The following RAI14 variants were observed in gnomAD, a reference collection of about 807,000 sequenced individuals.
RAI14 encodes the protein ankycorbin.
In RAI14, 45 loss-of-function variants were observed where a neutral mutation model predicts 115.4. That is an observed-to-expected ratio of 0.39 (90% CI 0.31 to 0.50). The LOEUF is 0.50. Among genes scored for constraint, RAI14 ranks in the 20% least tolerant of loss-of-function variants. RAI14 has a pLI of 0.85. For missense variants in RAI14, 939 were observed against 1,131.2 expected, an observed-to-expected ratio of 0.83 and a Z score of 2.44; for synonymous variants, 371 against 415.4, an observed-to-expected ratio of 0.89 and a Z score of 1.30.
At chr5:34,799,516 A>C (rs1042114791) in intron 4 of RAI14, among the ~76,000 whole-genome samples, 74 of 108,772 alleles carry the variant, frequency 6.8e-4, no homozygotes, top group Non-Finnish European at 1.3e-3. Context: ...ACACACACAC[A>C]CACACACACA....
intron 1 of RAI14, among the ~76,000 whole-genome samples, chr5:34,683,523 C>G (rs1220699299): frequency 6.6e-6 from 1 of 152,058 alleles, no homozygotes; most frequent in Non-Finnish European, 1.5e-5. Context: ...AAAATCTTAC[C>G]CACTGTTGCC....
intron 2 of RAI14, among the ~76,000 whole-genome samples, chr5:34,695,340 G>A (rs187832223): frequency 6.6e-6 from 1 of 152,196 alleles, no homozygotes; most frequent in Non-Finnish European, 1.5e-5. Context: ...GGTAGAAGTT[G>A]TTTTCTTCTG....
chr5:34,734,026 T>A (rs1744537740), intron 2 of RAI14, among the ~76,000 whole-genome samples: 1 of 152,234 alleles, frequency 6.6e-6, no homozygotes, highest in Non-Finnish European at 1.5e-5. Flanking sequence ...GTACATAGGC[T>A]GCTTCTCTGG....
At chr5:34,703,175 TAATAA>T (rs1391844851) in intron 2 of RAI14, among the ~76,000 whole-genome samples, 1 of 152,152 alleles carries the variant, frequency 6.6e-6, no homozygotes, top group African/African-American at 2.4e-5. Flanking sequence ...AAAATGCGTA[TAATAA>T]AATAAGTGGA....
chr5:34,676,734 C>T (rs1744003567), intron 1 of RAI14, among the ~76,000 whole-genome samples: 1 of 152,160 alleles, frequency 6.6e-6, no homozygotes, highest in African/African-American at 2.4e-5. Context: ...GAAATGTCGT[C>T]TCCTGGATAA....
intron 1 of RAI14, among the ~76,000 whole-genome samples, chr5:34,672,042 A>G (rs1178024365): frequency 1.3e-5 from 2 of 152,182 alleles, no homozygotes; most frequent in African/African-American, 2.4e-5. Flanking sequence ...ATTTCTGTAG[A>G]TAATTACAAT....
In RAI14 at chr5:34,789,122, A is replaced by G. The variant is rs555044098; in HGVS notation, c.168-6817A>G. 2.6e-5 allele frequency among the ~76,000 whole-genome samples: 4 copies of G among 152,296 alleles called. No individual in the cohort carries two copies. In the South Asian group the frequency reaches 8.3e-4, roughly 32 times the overall value. On this transcript the variant is annotated intron_variant, in intron 3 of 17. Coordinates refer to ENST00000265109, the MANE Select transcript of RAI14 (RefSeq NM_015577.3). ...TGAGAGGGCACCAGTCATGCTCTTAATGAGTCATGTGCTGGCCTTGGGCAC... is the reference window on the plus strand; with the variant it reads ...TGAGAGGGCACCAGTCATGCTCTTAGTGAGTCATGTGCTGGCCTTGGGCAC...
At chr5:34,677,984 C>G (rs973938160) in intron 1 of RAI14, among the ~76,000 whole-genome samples, 2 of 152,190 alleles carry the variant, frequency 1.3e-5, no homozygotes, top group Non-Finnish European at 2.9e-5. Context: ...CCCTGCTACC[C>G]GGCCTCCTGC....
chr5:34,710,253 T>C (rs1741233713), intron 2 of RAI14, among the ~76,000 whole-genome samples: 1 of 152,190 alleles, frequency 6.6e-6, no homozygotes, highest in Non-Finnish European at 1.5e-5. Flanking sequence ...CCTTGCTTAT[T>C]CCTAGCTTCT....
At chr5:34,732,241 G>A (rs1423105780) in intron 2 of RAI14, among the ~76,000 whole-genome samples, 2 of 152,100 alleles carry the variant, frequency 1.3e-5, no homozygotes, top group Non-Finnish European at 2.9e-5. Context: ...GCAGCCAATG[G>A]ACCCTTGCCC....
intron 3 of RAI14, among the ~76,000 whole-genome samples, chr5:34,779,436 C>G (rs943208421): frequency 6.6e-6 from 1 of 152,106 alleles, no homozygotes; most frequent in Non-Finnish European, 1.5e-5. Flanking sequence ...TCAAATTGTC[C>G]CTGTTTGCAG....
rs434079 is a variant in RAI14 at position 34,806,242 on chromosome 5, A to G, written c.322-1558A>G. Among the ~76,000 whole-genome samples, 814 of 152,270 alleles carry G rather than the reference A, an allele frequency of 5.3e-3. 21 individuals carry two copies. In the East Asian group the frequency reaches 0.086, roughly 16 times the overall value. On this transcript the variant is annotated intron_variant, in intron 5 of 17. Coordinates refer to ENST00000265109, the MANE Select transcript of RAI14 (RefSeq NM_015577.3). ...GCTGGCCAGGGAGGGAAGAATGCCA[A>G]TGTGTGGGCCTGGGGCAGAGCAAGT...
intron 2 of RAI14, among the ~76,000 whole-genome samples, chr5:34,722,743 G>A (rs2149999786): frequency 1.3e-5 from 2 of 151,356 alleles, no homozygotes; most frequent in Middle Eastern, 6.8e-3. Context: ...CTACTTGGGG[G>A]GCTGAGGCAG....
intron 2 of RAI14, among the ~76,000 whole-genome samples, chr5:34,713,344 G>A (rs796985866): frequency 6.6e-5 from 10 of 152,242 alleles, no homozygotes; most frequent in African/African-American, 2.2e-4. Flanking sequence ...TCACTAAAGG[G>A]AGGATCTCAC....
At chr5:34,822,875 G>A (rs1156828367) in intron 14 of RAI14, 81 bp from the exon 15 acceptor site, 2 of 1,222,692 alleles carry the variant, frequency 1.6e-6, no homozygotes, top group Non-Finnish European at 2.3e-6. Context: ...TTTTAGTAGA[G>A]ACGGGGTTTC....
chr5:34,804,991 G>A (rs1459936900), intron 5 of RAI14, among the ~76,000 whole-genome samples: 1 of 152,036 alleles, frequency 6.6e-6, no homozygotes, highest in East Asian at 1.9e-4. Flanking sequence ...TGTTCTCGTG[G>A]GCAAGAACCA....
intron 3 of RAI14, among the ~76,000 whole-genome samples, chr5:34,774,530 A>G (rs1041542798): frequency 1.3e-5 from 2 of 152,178 alleles, no homozygotes; most frequent in Non-Finnish European, 2.9e-5. Context: ...CAAATAAAAT[A>G]AAATACCTAG....
intron 2 of RAI14, among the ~76,000 whole-genome samples, chr5:34,703,688 A>G (rs927367669): frequency 9.9e-5 from 15 of 152,186 alleles, no homozygotes; most frequent in African/African-American, 3.4e-4. Flanking sequence ...AGAATATACT[A>G]TGTGAGCATA....
intron 2 of RAI14, among the ~76,000 whole-genome samples, chr5:34,751,861 T>C (rs778537256): frequency 9.2e-5 from 14 of 152,214 alleles, no homozygotes; most frequent in Non-Finnish European, 1.3e-4. Flanking sequence ...GCCTGCTTCC[T>C]TAATGCCTTG....
Sources: gnomAD v4.1 joint callset for allele counts (sites outside exome capture counted in the v4.1 genomes callset) on GRCh38, gnomAD v4.1.1 for gene constraint, MANE v1.5 for transcripts, NCBI Gene and HGNC (gene_info 2026-07-23, HGNC 2026-07-21) for gene names.